Variants in EVA1C observed in about 807,000 individuals in gnomAD.
EVA1C encodes the protein protein eva-1 homolog C.
Under a neutral mutation model 45.4 loss-of-function variants are expected in EVA1C, and 25 were observed. That is an observed-to-expected ratio of 0.55 (90% CI 0.40 to 0.77). The LOEUF (loss-of-function observed/expected upper bound fraction) is 0.77. EVA1C is among the 30% of genes least tolerant of loss of function. The pLI is 0.00. For synonymous variants in EVA1C, 190 were observed against 221.2 expected, an observed-to-expected ratio of 0.86 and a Z score of 1.25; for missense variants, 479 against 554.8, an observed-to-expected ratio of 0.86 and a Z score of 1.37.
At chr21:32,417,588 A>G (rs918330634) in intron 1 of EVA1C, among the ~76,000 whole-genome samples, 7 of 152,196 alleles carry the variant, frequency 4.6e-5, no homozygotes, top group African/African-American at 1.7e-4. Flanking sequence ...CAAAACTTAG[A>G]TCATTTGCAG....
intron 1 of EVA1C, among the ~76,000 whole-genome samples, chr21:32,423,518 T>C (rs549712816): frequency 6.6e-6 from 1 of 152,244 alleles, no homozygotes; most frequent in African/African-American, 2.4e-5. Context: ...AGCAATCGAT[T>C]TGGCAGGTCA....
At chr21:32,434,329 T>C (rs1273571985) in intron 1 of EVA1C, among the ~76,000 whole-genome samples, 1 of 127,978 alleles carries the variant, frequency 7.8e-6, no homozygotes, top group Non-Finnish European at 1.7e-5. Flanking sequence ...TGGTGGCTCA[T>C]GCCTGTAATC....
chr21:32,429,650 G>C (rs1442825788), intron 1 of EVA1C, among the ~76,000 whole-genome samples: 2 of 152,124 alleles, frequency 1.3e-5, no homozygotes, highest in Admixed American at 6.6e-5. Context: ...CACTACACCT[G>C]GCCCCTCAAT....
chr21:32,413,199 T>A (rs1248360477), intron 1 of EVA1C, among the ~76,000 whole-genome samples, 186 bp downstream of exon 1: 6 of 152,246 alleles, frequency 3.9e-5, no homozygotes, highest in African/African-American at 1.4e-4. Context: ...GACGGGGGAC[T>A]GCCACTCCCA....
intron 3 of EVA1C, among the ~76,000 whole-genome samples, chr21:32,459,080 C>T (rs2035899506): frequency 6.6e-6 from 1 of 152,234 alleles, no homozygotes; most frequent in South Asian, 2.1e-4. Flanking sequence ...AAGGCACTCA[C>T]ACTCTCACAG....
intron 1 of EVA1C, among the ~76,000 whole-genome samples, chr21:32,417,391 T>A (rs1288236910): frequency 6.6e-6 from 1 of 152,240 alleles, no homozygotes; most frequent in Non-Finnish European, 1.5e-5. Context: ...TGGTCTTCCC[T>A]CCATGTGTGT....
intron 7 of EVA1C, among the ~76,000 whole-genome samples, chr21:32,504,506 G>A (rs1365206667): frequency 8.5e-5 from 13 of 152,178 alleles, no homozygotes; most frequent in African/African-American, 1.4e-4. Context: ...ATCAGACTCA[G>A]CCCTCATGAA....
chr21:32,446,967 T>G (rs1435122750), intron 1 of EVA1C, among the ~76,000 whole-genome samples: 1 of 152,200 alleles, frequency 6.6e-6, no homozygotes, highest in African/African-American at 2.4e-5. Flanking sequence ...TTAGGAACTC[T>G]GGTCCCTTGC....
intron 1 of EVA1C, among the ~76,000 whole-genome samples, chr21:32,442,348 C>G (rs1033223166): frequency 6.6e-6 from 1 of 152,102 alleles, no homozygotes; most frequent in Non-Finnish European, 1.5e-5. Flanking sequence ...ACACCTGGGA[C>G]TAGAGGAAGG....
At chr21:32,427,857 A>T (rs1420437289) in intron 1 of EVA1C, among the ~76,000 whole-genome samples, 2 of 204 alleles carry the variant, frequency 9.8e-3, no homozygotes, top group South Asian at 0.5. Context: ...ATCTCTATTA[A>T]AAAAAAAAAA....
At chr21:32,492,517 C>T (rs1046730412) in intron 4 of EVA1C, among the ~76,000 whole-genome samples, 3 of 151,990 alleles carry the variant, frequency 2.0e-5, no homozygotes, top group East Asian at 3.9e-4. Flanking sequence ...ATCTATAAGA[C>T]GTGAGCAGAC....
At chr21:32,485,679 G>T (rs974257044) in intron 4 of EVA1C, among the ~76,000 whole-genome samples, 1 of 152,014 alleles carries the variant, frequency 6.6e-6, no homozygotes, top group Non-Finnish European at 1.5e-5. Flanking sequence ...CCTGATTCTC[G>T]CAATACCTTT....
At chr21:32,450,635 C>T (rs1183259673) in intron 1 of EVA1C, among the ~76,000 whole-genome samples, 5 of 152,084 alleles carry the variant, frequency 3.3e-5, no homozygotes, top group Non-Finnish European at 7.4e-5. Flanking sequence ...ATCAGGGTGA[C>T]CCTGAGTTCC....
intron 7 of EVA1C, among the ~76,000 whole-genome samples, chr21:32,513,554 T>C (rs2038034837): frequency 8.1e-6 from 1 of 123,468 alleles, no homozygotes. Flanking sequence ...TTCTTTTCTT[T>C]TTTTTTTTTT....
chr21:32,481,402 T>C lies in EVA1C; in HGVS notation c.634+13554T>C, dbSNP rs890079449. Reference sequence around the variant, plus strand: ...GGTTTAGTAGAGAAGAAACAGAACCTTTTTTTTTTTTTTTTGACTGGTAAA... The same window carrying C: ...GGTTTAGTAGAGAAGAAACAGAACCCTTTTTTTTTTTTTTTGACTGGTAAA... On this transcript the variant is annotated intron_variant, in intron 4 of 7. Transcript: ENST00000300255. Among the ~76,000 whole-genome samples the C allele has an allele frequency of 9.4e-5, 5 of 53,328 alleles. No individual in the cohort carries two copies. The South Asian group carries it at 3.3e-3, about 35-fold the overall frequency. The allele number at this position is 53,328 out of a possible 152,430, so 35.0% of individuals were successfully genotyped here.
chr21:32,504,098 C>T, intron 7 of EVA1C, 83 bp downstream of exon 7: 1 of 937,102 alleles, frequency 1.1e-6, no homozygotes, highest in Non-Finnish European at 1.7e-6. Flanking sequence ...AATTATAGCA[C>T]TCAGATAACT....
At chr21:32,511,556 G>C (rs2037954403) in intron 7 of EVA1C, among the ~76,000 whole-genome samples, 1 of 151,910 alleles carries the variant, frequency 6.6e-6, no homozygotes, top group African/African-American at 2.4e-5. Context: ...ATTTGGAGAA[G>C]AGGAAATACA....
chr21:32,492,673 T>C (rs968113953), intron 4 of EVA1C, among the ~76,000 whole-genome samples: 1 of 150,716 alleles, frequency 6.6e-6, no homozygotes, highest in Non-Finnish European at 1.5e-5. Context: ...TTCTTCAAAA[T>C]CTCGGCCCAC....
In EVA1C at chr21:32,467,731, G is replaced by A; in HGVS notation, c.517G>A (p.Glu173Lys). ...AAACAAAACCGTGTGTGAAGACCAG[G>A]AGCTGAAACTGCACTGCCATGAATC... ...LKNKTVCEDQ[E>K]LKLHCHESKF... The change falls in exon 4 of 8, where the codon GAG becomes AAG. Residue 173 changes from glutamate to lysine, a missense_variant. Around this residue, in one of 3 missense-constraint regions of EVA1C, gnomAD observed 366 missense variants for 426.1 expected, o/e 0.86. Coordinates refer to ENST00000300255, the MANE Select transcript of EVA1C (RefSeq NM_058187.5). The A allele has an allele frequency of 6.2e-7, 1 of 1,610,706 alleles. No homozygotes were observed. Among genetic ancestry groups the A allele is most frequent in the South Asian group, 1.1e-5 (1 of 90,442 alleles).
Sources: allele counts gnomAD v4.1 joint callset (sites outside exome capture counted in the v4.1 genomes callset), GRCh38; gene constraint gnomAD v4.1.1; regional missense constraint gnomAD v4.1.1; transcripts MANE v1.5; gene names NCBI Gene and HGNC (gene_info 2026-07-23, HGNC 2026-07-21).